RASSF3: variants seen among roughly 807,000 people sequenced by gnomAD.
RASSF3 encodes the protein ras association domain-containing protein 3.
RASSF3 carries 19 observed loss-of-function variants against 19.9 expected under a neutral mutation model. The observed-to-expected ratio is 0.96, with a 90% CI of 0.67 to 1.40. The LOEUF (loss-of-function observed/expected upper bound fraction) is 1.40, where lower values mean the gene tolerates loss of function less well. RASSF3 is among the 40% of genes most tolerant of loss of function. The pLI is 0.00. For synonymous variants in RASSF3, 110 were observed against 104.2 expected (o/e 1.06, Z -0.34); for missense variants, 306 against 289.8 (o/e 1.06, Z -0.41).
intron 1 of RASSF3, among the ~76,000 whole-genome samples, chr12:64,622,108 T>C (rs1042886655): frequency 6.6e-6 from 1 of 152,138 alleles, no homozygotes; most frequent in African/African-American, 2.4e-5. Context: ...TGGAGTGCAG[T>C]GGCGCGATCT....
rs752306941 is a variant in RASSF3 at position 64,691,472 on chromosome 12, T to C, written c.460T>C (p.Tyr154His). Residue 154 changes from tyrosine to histidine, a missense_variant and splice_region_variant, in exon 4 of 5, where the codon TAC becomes CAC. Coordinates refer to ENST00000542104, the MANE Select transcript of RASSF3 (RefSeq NM_178169.4). ...YKRCHREDQV[Y>H]ACKLSDREHP... Reference sequence around the variant, plus strand: ...ATGCTGCTTGTTTCTTTACCCAGTCTACGCCTGCAAGCTCTCAGACCGGGA... The same window carrying C: ...ATGCTGCTTGTTTCTTTACCCAGTCCACGCCTGCAAGCTCTCAGACCGGGA... 1.9e-6 allele frequency: 3 copies of C among 1,609,480 alleles called. No homozygotes were observed. The South Asian group carries it at 3.3e-5, about 18-fold the overall frequency.
downstream of RASSF3, among the ~76,000 whole-genome samples, chr12:64,544,838 C>T (rs1869025046): frequency 6.6e-6 from 1 of 152,150 alleles, no homozygotes; most frequent in Non-Finnish European, 1.5e-5. Context: ...GTACAAAAGA[C>T]CAAATACATG....
intron 1 of RASSF3, among the ~76,000 whole-genome samples, chr12:64,645,685 T>C (rs577615256): frequency 4.6e-5 from 7 of 152,306 alleles, no homozygotes; most frequent in South Asian, 4.1e-4. Flanking sequence ...ACTCCTGAGG[T>C]TAAGAATGGG....
intron 1 of RASSF3, among the ~76,000 whole-genome samples, chr12:64,620,975 A>T (rs1565851922): frequency 6.6e-6 from 1 of 152,096 alleles, no homozygotes; most frequent in Non-Finnish European, 1.5e-5. Context: ...TTTACTCGTC[A>T]CCCAGGCTGG....
intron 1 of RASSF3, among the ~76,000 whole-genome samples, chr12:64,517,317 C>T (rs976904822): frequency 6.9e-6 from 1 of 145,376 alleles, no homozygotes; most frequent in East Asian, 2.0e-4. Flanking sequence ...CTCCCCCCCC[C>T]CACTAAGCTA....
rs527913002 is a variant in RASSF3, at chr12:64,643,307, T to C, written c.111+32564T>C. ...GTAAAGCTCCATAAAGATTTAGCTA[T>C]TGTTACTGTTAAAGTGTTAGATGCA... On this transcript the variant is annotated intron_variant, in intron 1 of 4. Transcript: ENST00000542104. Among the ~76,000 whole-genome samples the C allele has an allele frequency of 4.0e-5, 6 of 151,864 alleles. No homozygotes were observed. In the South Asian group the frequency reaches 1.2e-3, roughly 32 times the overall value.
chr12:64,597,297 T>C (rs1392474075), intron 2 of RASSF3, among the ~76,000 whole-genome samples: 1 of 151,734 alleles, frequency 6.6e-6, no homozygotes, highest in Non-Finnish European at 1.5e-5. Context: ...CGTACCCAGC[T>C]AATTTTTGTA....
At chr12:64,514,188 CTTTTTTTTT>C (rs138925359) in intron 1 of RASSF3, among the ~76,000 whole-genome samples, 1 of 77,988 alleles carries the variant, frequency 1.3e-5, no homozygotes, top group Non-Finnish European at 2.3e-5. Context: ...CGCTCAGCCT[CTTTTTTTTT>C]TTTTTTTTTT....
chr12:64,691,531 C>T lies in RASSF3; in HGVS notation c.519C>T (p.Pro173=), dbSNP rs1244633899. ...HPLYLRLVAG[P]RTDTLSFVLR... Reference sequence around the variant, plus strand: ...TCTACCTGCGTTTGGTAGCAGGGCCCAGAACAGACACACTTAGTTTTGTTC... The same window carrying T: ...TCTACCTGCGTTTGGTAGCAGGGCCTAGAACAGACACACTTAGTTTTGTTC... Residue 173 remains proline (P), a synonymous_variant, in exon 4 of 5, where the codon CCC becomes CCT. Coordinates refer to ENST00000542104, the MANE Select transcript of RASSF3 (RefSeq NM_178169.4). 7 of 1,614,028 alleles carry T rather than the reference C, an allele frequency of 4.3e-6. No homozygotes were observed. Among genetic ancestry groups the T allele is most frequent in the Non-Finnish European group, 5.9e-6 (7 of 1,179,894 alleles).
chr12:64,657,453 A>G (rs190726165), intron 1 of RASSF3, among the ~76,000 whole-genome samples: 1 of 152,382 alleles, frequency 6.6e-6, no homozygotes, highest in Admixed American at 6.5e-5. Flanking sequence ...TAATCACAAT[A>G]AAGTAAATTT....
chr12:64,691,818 T>C (rs1034386385), intron 4 of RASSF3, among the ~76,000 whole-genome samples: 3 of 137,172 alleles, frequency 2.2e-5, no homozygotes, highest in African/African-American at 7.8e-5. Context: ...TATTAGTCTG[T>C]CATTTTCAGA....
At chr12:64,669,806 A>G (rs1343549057) in intron 1 of RASSF3, among the ~76,000 whole-genome samples, 2 of 151,740 alleles carry the variant, frequency 1.3e-5, no homozygotes, top group African/African-American at 4.8e-5. Context: ...TGAGGAGGAA[A>G]AGGAGCTGGA....
chr12:64,596,833 G>A (rs1870005755), intron 2 of RASSF3, among the ~76,000 whole-genome samples: 1 of 152,024 alleles, frequency 6.6e-6, no homozygotes, highest in Admixed American at 6.6e-5. Flanking sequence ...AGGCTCAAGT[G>A]ATTCTCCTGC....
intron 2 of RASSF3, among the ~76,000 whole-genome samples, chr12:64,580,068 G>T (rs569577710): frequency 1.3e-4 from 20 of 152,124 alleles, no homozygotes; most frequent in African/African-American, 4.8e-4. Context: ...GCCCACCTTG[G>T]CCTCCTGAAG....
At chr12:64,547,523 T>C (rs10878192) in intron 2 of RASSF3, among the ~76,000 whole-genome samples, 101,366 of 151,876 alleles carry the variant, frequency 0.67, 34,270 homozygotes, top group East Asian at 0.75. Context: ...GCGGAGATCA[T>C]GTCACTGCAT....
intron 1 of RASSF3, among the ~76,000 whole-genome samples, chr12:64,613,295 TAGAGAGATGGAA>T (rs1471611939): frequency 6.6e-6 from 1 of 151,944 alleles, no homozygotes; most frequent in Admixed American, 6.6e-5. Context: ...ATCCTTTCTC[TAGAGAGATGGAA>T]AGAGAGGTAT....
At chr12:64,626,505 AG>A (rs1468246973) in intron 1 of RASSF3, among the ~76,000 whole-genome samples, 10 of 151,062 alleles carry the variant, frequency 6.6e-5, no homozygotes, top group African/African-American at 2.2e-4. Flanking sequence ...AAAAAAAAAA[AG>A]AAAAAAAAAG....
chr12:64,543,052 A>G (rs1408098863), downstream of RASSF3, among the ~76,000 whole-genome samples: 3 of 55,778 alleles, frequency 5.4e-5, no homozygotes, highest in Non-Finnish European at 7.9e-5. Flanking sequence ...CGGGCCCCGC[A>G]CTTGGAGTGG....
At chr12:64,679,079 G>A (rs955439765) in intron 1 of RASSF3, among the ~76,000 whole-genome samples, 1 of 152,092 alleles carries the variant, frequency 6.6e-6, no homozygotes, top group Admixed American at 6.5e-5. Context: ...TTGAAGCGGG[G>A]GTGGGGACAG....
Sources: allele counts gnomAD v4.1 joint callset (sites outside exome capture counted in the v4.1 genomes callset), GRCh38; gene constraint gnomAD v4.1.1; transcripts MANE v1.5; gene names NCBI Gene and HGNC (gene_info 2026-07-23, HGNC 2026-07-21).